CRYBG1: variants seen among roughly 807,000 people sequenced by gnomAD.
The protein encoded by CRYBG1 is beta/gamma crystallin domain-containing protein 1.
In CRYBG1, 139 loss-of-function variants were observed where a neutral mutation model predicts 189.2. The observed-to-expected ratio is 0.73, with a 90% CI of 0.64 to 0.85. The LOEUF is 0.85. Ranked by LOEUF, CRYBG1 falls within the 40% of genes least tolerant of loss-of-function variation. CRYBG1 has a pLI of 0.00. For synonymous variants in CRYBG1, 1,023 were observed against 1,017.1 expected (o/e 1.01, Z -0.11); for missense variants, 2,611 against 2,675.8 (o/e 0.98, Z 0.53).
chr6:106,387,410 T>C (rs1232210709), intron 1 of CRYBG1, among the ~76,000 whole-genome samples: 1 of 152,166 alleles, frequency 6.6e-6, no homozygotes, highest in Non-Finnish European at 1.5e-5. Flanking sequence ...GCTCCCCTCA[T>C]GGGGTCTTAA....
intron 2 of CRYBG1, among the ~76,000 whole-genome samples, chr6:106,469,191 GCC>G (rs2114464176): frequency 6.6e-6 from 1 of 152,302 alleles, no homozygotes; most frequent in African/African-American, 2.4e-5. Context: ...TATTGGCTCT[GCC>G]TAGAATGCAC....
chr6:106,380,016 T>C (rs1249055670), intron 1 of CRYBG1, among the ~76,000 whole-genome samples: 3 of 152,244 alleles, frequency 2.0e-5, no homozygotes, highest in Non-Finnish European at 4.4e-5. Context: ...TGACTCTCAC[T>C]TACTTTGTGC....
chr6:106,436,163 A>C (rs1771448909), intron 1 of CRYBG1, among the ~76,000 whole-genome samples: 1 of 133,658 alleles, frequency 7.5e-6, no homozygotes, highest in Non-Finnish European at 1.6e-5. Context: ...AAGAGAATGA[A>C]TGTCAATTTC....
rs1773329082 is a variant in CRYBG1, at chr6:106,512,928, G to C, written c.1811G>C (p.Ser604Thr). The change falls in exon 3 of 22, where the codon AGC becomes ACC. Residue 604 changes from serine to threonine, a missense_variant. Physicochemically the swap from Ser to Thr is moderately conservative, Grantham distance 58. Transcript: ENST00000633556. Reference protein sequence around the residue: ...HFNGRAEGGRSRELGRAAGAP... With the variant: ...HFNGRAEGGRTRELGRAAGAP... ...AACGGCCGGGCAGAGGGAGGTCGAA[G>C]CAGAGAGCTGGGCAGAGCGGCCGGA... The C allele has an allele frequency of 6.2e-7, 1 of 1,608,962 alleles. No homozygotes were observed. The highest frequency in any genetic ancestry group is 1.3e-5 in the African/African-American group (1 of 74,866).
chr6:106,386,973 C>T (rs1003892409), intron 1 of CRYBG1, among the ~76,000 whole-genome samples: 2 of 152,168 alleles, frequency 1.3e-5, no homozygotes, highest in African/African-American at 4.8e-5. Flanking sequence ...GAGACAATAG[C>T]TCGTATTTCA....
chr6:106,469,190 T>C (rs557988409), intron 2 of CRYBG1, among the ~76,000 whole-genome samples: 16 of 152,366 alleles, frequency 1.1e-4, no homozygotes, highest in Admixed American at 5.9e-4. Flanking sequence ...CTATTGGCTC[T>C]GCCTAGAATG....
chr6:106,431,504 G>GA (rs971960066), intron 1 of CRYBG1, among the ~76,000 whole-genome samples: 7 of 149,072 alleles, frequency 4.7e-5, no homozygotes, highest in African/African-American at 7.4e-5. Flanking sequence ...AATAAAAGTT[G>GA]AAAAAAAAAT....
rs1050280774 is a variant in CRYBG1, at chr6:106,527,550, G to A, written c.4578+80G>A. ...ACTTTAAGGGAAATGATCATTTTAC[G>A]AAATATGTGATTGGGAAACATATTT... On this transcript the variant is annotated intron_variant, in intron 7 of 21. Transcript: ENST00000633556. The A allele has an allele frequency of 5.0e-5, 71 of 1,425,142 alleles. No individual in the cohort carries two copies. In the African/African-American group the frequency reaches 6.1e-4, roughly 12 times the overall value. The allele number at this position is 1,425,142 out of a possible 1,614,324, so 88.3% of individuals were successfully genotyped here.
At chr6:106,558,699 A>T in intron 18 of CRYBG1, 74 bp downstream of exon 18, 1 of 1,286,998 alleles carries the variant, frequency 7.8e-7, no homozygotes, top group Middle Eastern at 1.9e-4. Flanking sequence ...ACAGTGGCTC[A>T]CGCCTGTATT....
chr6:106,408,020 G>T (rs1025732206), intron 1 of CRYBG1, among the ~76,000 whole-genome samples: 9 of 152,014 alleles, frequency 5.9e-5, no homozygotes, highest in African/African-American at 1.9e-4. Flanking sequence ...AAATAACTAA[G>T]ATCAGAACAG....
At chr6:106,518,547 A>G (rs368208792) in intron 3 of CRYBG1, among the ~76,000 whole-genome samples, 28 of 152,324 alleles carry the variant, frequency 1.8e-4, no homozygotes, top group African/African-American at 6.3e-4. Context: ...AAATTAGTTC[A>G]TCCCTCATCC....
At chr6:106,525,237 A>G in intron 5 of CRYBG1, 31 bp from the exon 6 acceptor site, 1 of 1,613,608 alleles carries the variant, frequency 6.2e-7, no homozygotes, top group Non-Finnish European at 8.5e-7. Context: ...AGAGTACAAC[A>G]AAGTGTGCTA....
In CRYBG1 at chr6:106,512,338, C is replaced by T. The variant is rs749150119; in HGVS notation, c.1221C>T (p.Asp407=). 1.1e-4 allele frequency: 182 copies of T among 1,610,316 alleles called. No homozygotes were observed. Among genetic ancestry groups the T allele is most frequent in the Non-Finnish European group, 1.3e-4 (159 of 1,179,148 alleles). ...GAGCGGAAGATTGCGGTGACTGGGA[C>T]GACATGGAGAAGAGGTCCAGCGGCC... is the stretch of plus-strand genomic sequence containing the variant. The part of the protein sequence containing the change: ...TPRAEDCGDW[D]DMEKRSSGRR... The change falls in exon 3 of 22, where the codon GAC becomes GAT. Residue 407 remains aspartate, a synonymous_variant. Transcript: ENST00000633556.
chr6:106,523,107 G>T (rs905772089), intron 4 of CRYBG1, among the ~76,000 whole-genome samples: 3 of 152,032 alleles, frequency 2.0e-5, no homozygotes, highest in Admixed American at 6.6e-5. Flanking sequence ...CTTGTACTCC[G>T]CTGGACATTT....
intron 1 of CRYBG1, among the ~76,000 whole-genome samples, chr6:106,413,948 A>T (rs1406904231): frequency 6.6e-6 from 1 of 152,238 alleles, no homozygotes; most frequent in East Asian, 1.9e-4. Flanking sequence ...ACTCTCTGTC[A>T]TATTACATTA....
At chr6:106,429,164 T>A (rs1198693180) in intron 1 of CRYBG1, among the ~76,000 whole-genome samples, 5 of 152,238 alleles carry the variant, frequency 3.3e-5, no homozygotes, top group Non-Finnish European at 1.5e-5. Flanking sequence ...TTTCCGTCTC[T>A]ATGTGGAATA....
chr6:106,415,154 G>A (rs10872004), intron 1 of CRYBG1, among the ~76,000 whole-genome samples: 12,959 of 152,224 alleles, frequency 0.085, 665 homozygotes, highest in East Asian at 0.15. Flanking sequence ...GTCAAAGACT[G>A]TCTTGTGATT....
At chr6:106,558,733 T>G in intron 18 of CRYBG1, 108 bp downstream of exon 18, 1 of 826,522 alleles carries the variant, frequency 1.2e-6, no homozygotes, top group Non-Finnish European at 1.8e-6. Context: ...GAGGCCGAGG[T>G]AGAAGGATCA....
intron 1 of CRYBG1, among the ~76,000 whole-genome samples, chr6:106,428,258 T>C (rs934743269): frequency 6.6e-6 from 1 of 152,216 alleles, no homozygotes; most frequent in African/African-American, 2.4e-5. Flanking sequence ...AATATTTCCA[T>C]TGAATTGGAC....
Sources: allele counts gnomAD v4.1 joint callset (sites outside exome capture counted in the v4.1 genomes callset), GRCh38; gene constraint gnomAD v4.1.1; transcripts MANE v1.5; gene names NCBI Gene and HGNC (gene_info 2026-07-23, HGNC 2026-07-21).